ITPK1: variants seen among roughly 807,000 people sequenced by gnomAD.
The protein encoded by ITPK1 is inositol-tetrakisphosphate 1-kinase, also known as inositol 1,3,4-trisphosphate 5/6-kinase.
In ITPK1, 21 loss-of-function variants were observed where a neutral mutation model predicts 45.3. The ratio of observed to expected loss-of-function variants is 0.46; its 90% CI spans 0.33 to 0.67. The LOEUF (loss-of-function observed/expected upper bound fraction) is 0.67, where lower values mean the gene tolerates loss of function less well. Ranked by LOEUF, ITPK1 falls within the 30% of genes least tolerant of loss-of-function variation. The pLI is 0.02. For synonymous variants in ITPK1, 258 were observed against 253.6 expected, an observed-to-expected ratio of 1.02 and a Z score of -0.16; for missense variants, 474 against 573.5, an observed-to-expected ratio of 0.83 and a Z score of 1.77.
intron 5 of ITPK1, among the ~76,000 whole-genome samples, chr14:92,967,830 A>T (rs1367982780): frequency 6.6e-6 from 1 of 152,240 alleles, no homozygotes; most frequent in African/African-American, 2.4e-5. Flanking sequence ...GTAAGATTCC[A>T]TTTATCTGAA....
chr14:93,103,368 T>G (rs1344640920), intron 2 of ITPK1, among the ~76,000 whole-genome samples: 1 of 150,050 alleles, frequency 6.7e-6, no homozygotes, highest in Non-Finnish European at 1.5e-5. Flanking sequence ...GCAGTGAGAT[T>G]GCACCACTGC....
intron 2 of ITPK1, among the ~76,000 whole-genome samples, chr14:93,077,199 T>A (rs1191488159): frequency 6.6e-6 from 1 of 152,152 alleles, no homozygotes; most frequent in Non-Finnish European, 1.5e-5. Flanking sequence ...TCACATGCAG[T>A]CCCACGGCCA....
At chr14:93,041,457 C>G (rs1889557968) in intron 3 of ITPK1, among the ~76,000 whole-genome samples, 1 of 152,218 alleles carries the variant, frequency 6.6e-6, no homozygotes, top group Admixed American at 6.5e-5. Flanking sequence ...TGGGGCTGAC[C>G]TGAGCAGCAA....
intron 5 of ITPK1, among the ~76,000 whole-genome samples, chr14:92,990,461 T>C (rs1275902441): frequency 1.3e-5 from 2 of 152,188 alleles, no homozygotes; most frequent in African/African-American, 2.4e-5. Context: ...AGAAAGGAAG[T>C]TCTGTCGCAT....
intron 5 of ITPK1, among the ~76,000 whole-genome samples, chr14:92,965,746 G>A (rs1885313386): frequency 6.6e-6 from 1 of 152,230 alleles, no homozygotes; most frequent in Non-Finnish European, 1.5e-5. Context: ...GCTCACGCCT[G>A]TAATCCCAGC....
chr14:93,009,151 G>C (rs1887765816), intron 4 of ITPK1, among the ~76,000 whole-genome samples: 1 of 152,210 alleles, frequency 6.6e-6, no homozygotes, highest in South Asian at 2.1e-4. Context: ...TGTATTGCCT[G>C]GGATAGCCCC....
intron 3 of ITPK1, among the ~76,000 whole-genome samples, chr14:93,024,198 G>A (rs898976715): frequency 6.6e-6 from 1 of 152,184 alleles, no homozygotes; most frequent in Non-Finnish European, 1.5e-5. Flanking sequence ...GCCAGGCCTG[G>A]AGGAAGGAAC....
chr14:93,035,438 A>T (rs1199216861), intron 3 of ITPK1, among the ~76,000 whole-genome samples: 3 of 152,338 alleles, frequency 2.0e-5, no homozygotes, highest in South Asian at 2.1e-4. Context: ...TGCCTCCCTC[A>T]TCTCCCATGG....
At chr14:92,968,388 A>G (rs1030117976) in intron 5 of ITPK1, among the ~76,000 whole-genome samples, 9 of 151,972 alleles carry the variant, frequency 5.9e-5, no homozygotes, top group Non-Finnish European at 8.8e-5. Context: ...CATTAAGGGG[A>G]AAAAAAACCT....
At chr14:93,040,418 A>T (rs1004326053) in intron 3 of ITPK1, among the ~76,000 whole-genome samples, 4 of 151,818 alleles carry the variant, frequency 2.6e-5, no homozygotes, top group African/African-American at 9.7e-5. Context: ...CCACTTTGCC[A>T]CTCCCCACCT....
intron 5 of ITPK1, among the ~76,000 whole-genome samples, chr14:92,984,509 A>T (rs1886399949): frequency 6.6e-6 from 1 of 152,212 alleles, no homozygotes; most frequent in African/African-American, 2.4e-5. Flanking sequence ...TTTATAGAAT[A>T]TGAAGTATCA....
At chr14:93,002,277 G>T (rs1019617514) in intron 4 of ITPK1, among the ~76,000 whole-genome samples, 3 of 152,178 alleles carry the variant, frequency 2.0e-5, no homozygotes, top group African/African-American at 7.2e-5. Flanking sequence ...GAAGGTCGGG[G>T]CTCCAGTGAG....
chr14:93,107,808 C>T (rs1235053907), intron 2 of ITPK1, among the ~76,000 whole-genome samples: 2 of 152,194 alleles, frequency 1.3e-5, no homozygotes, highest in African/African-American at 4.8e-5. Flanking sequence ...GATGGGCCTA[C>T]AGAAACCAGC....
rs1199762268 is a variant in ITPK1, at chr14:92,958,197, T to G, written c.670+4A>C. 8 of 1,613,810 alleles carry G rather than the reference T, an allele frequency of 5.0e-6. No homozygotes were observed. Among genetic ancestry groups the G allele is most frequent in the African/African-American group, 1.3e-5 (1 of 74,890 alleles). On this transcript the variant is annotated splice_donor_region_variant and intron_variant, in intron 8 of 10. Coordinates refer to ENST00000267615, the MANE Select transcript of ITPK1 (RefSeq NM_014216.6). This position sits in a 1 kb window ranked among gnomAD's most constrained non-coding sequence, Gnocchi z 4.4. Reference sequence around the variant, plus strand: ...CAGCCCAAGATGGTGAGAAGAGCAGTTACCTGATGTGCCTGCGGAGAAGTT... The same window carrying G: ...CAGCCCAAGATGGTGAGAAGAGCAGGTACCTGATGTGCCTGCGGAGAAGTT...
chr14:93,045,939 T>C (rs1889753107), intron 3 of ITPK1, among the ~76,000 whole-genome samples: 1 of 152,158 alleles, frequency 6.6e-6, no homozygotes, highest in Non-Finnish European at 1.5e-5. Context: ...TGCCTCCGAC[T>C]TCCTTTCCAC....
intron 3 of ITPK1, among the ~76,000 whole-genome samples, chr14:93,060,073 G>A (rs910991591): frequency 6.6e-6 from 1 of 151,974 alleles, no homozygotes; most frequent in Non-Finnish European, 1.5e-5. Context: ...GAGGAGGGGG[G>A]TGGGGTATTT....
At chr14:93,033,434 A>G (rs1274805402) in intron 3 of ITPK1, among the ~76,000 whole-genome samples, 1 of 152,160 alleles carries the variant, frequency 6.6e-6, no homozygotes, top group Non-Finnish European at 1.5e-5. Flanking sequence ...ATGCCCCCCA[A>G]CATTCCCCAC....
At chr14:93,055,889 G>A (rs1566759525) in intron 3 of ITPK1, among the ~76,000 whole-genome samples, 2 of 152,208 alleles carry the variant, frequency 1.3e-5, no homozygotes, top group South Asian at 2.1e-4. Context: ...CTTCCTGAGC[G>A]CTGGCTGGGG....
At chr14:93,007,603 G>C (rs1887687216) in intron 4 of ITPK1, among the ~76,000 whole-genome samples, 1 of 152,176 alleles carries the variant, frequency 6.6e-6, no homozygotes, top group Non-Finnish European at 1.5e-5. Context: ...GAGGACCCCT[G>C]GGCTCCTCAC....
Sources: allele counts gnomAD v4.1 joint callset (sites outside exome capture counted in the v4.1 genomes callset), GRCh38; gene constraint gnomAD v4.1.1; non-coding constraint Gnocchi (gnomAD v3.1); transcripts MANE v1.5; gene names NCBI Gene and HGNC (gene_info 2026-07-23, HGNC 2026-07-21).